EXOSC7: variants seen among roughly 807,000 people sequenced by gnomAD.
EXOSC7 encodes the protein exosome component 7.
A neutral mutation model predicts 34.3 loss-of-function variants in EXOSC7; 25 were observed. The ratio of observed to expected loss-of-function variants is 0.73; its 90% confidence interval spans 0.53 to 1.02. The LOEUF is 1.02. Among genes scored for constraint, EXOSC7 ranks in the 50% least tolerant of loss-of-function variants. The probability of loss-of-function intolerance (pLI) is 0.00; values close to 1 mark genes in which losing one functional copy is unlikely to be tolerated. For synonymous variants in EXOSC7, 130 were observed against 143.0 expected (o/e 0.91, Z 0.65); for missense variants, 370 against 368.5 (o/e 1.00, Z -0.03).
chr3:45,001,666 A>G (rs770968825), intron 5 of EXOSC7, 58 bp downstream of exon 5: 43 of 1,233,622 alleles, frequency 3.5e-5, no homozygotes, highest in Admixed American at 5.1e-5. Context: ...AGACACTTGT[A>G]ATGGAACACT....
chr3:44,978,018 G>A (rs145393598), intron 1 of EXOSC7, among the ~76,000 whole-genome samples: 63 of 152,292 alleles, frequency 4.1e-4, no homozygotes, highest in African/African-American at 1.5e-3. Flanking sequence ...ATGTTATGTG[G>A]GAAACAGCAG....
intron 1 of EXOSC7, among the ~76,000 whole-genome samples, chr3:44,985,990 A>G (rs1053069640): frequency 4.6e-5 from 7 of 152,206 alleles, no homozygotes; most frequent in Non-Finnish European, 8.8e-5. Flanking sequence ...TGTATTTACA[A>G]TCTCTTAGCT....
rs1707007337 is a variant in EXOSC7, at chr3:45,005,414, G to A, written c.615G>A (p.Lys205=). ...ENVPCIVTLC[K]IGYRHVVDAT... ...TCCCCTGCATTGTCACTCTGTGCAA[G>A]GTATAACTTGTATTTTATGGTTTTT... Residue 205 remains lysine, a splice_region_variant and synonymous_variant, in exon 6 of 8, where the codon AAG becomes AAA. Transcript: ENST00000265564. 1.9e-6 allele frequency: 3 copies of A among 1,613,492 alleles called. No homozygotes were observed. The East Asian group carries it at 6.7e-5, about 36-fold the overall frequency.
chr3:44,986,128 C>T (rs2125963524), intron 1 of EXOSC7, among the ~76,000 whole-genome samples: 1 of 149,672 alleles, frequency 6.7e-6, no homozygotes, highest in South Asian at 2.1e-4. Context: ...ATTCCTCAGC[C>T]CTTGGGTGGT....
In EXOSC7 at chr3:44,989,360, G is replaced by A. The variant is rs962486287; in HGVS notation, c.159+119G>A. On this transcript the variant is annotated intron_variant, in intron 2 of 7. Coordinates refer to ENST00000265564, the MANE Select transcript of EXOSC7 (RefSeq NM_015004.4). ...TTGCTCTTGGGGAAATCGAAGATCC[G>A]AGCCAAACTCAGGGAGGGGGGGTCT... 19 of 904,648 alleles carry A rather than the reference G, an allele frequency of 2.1e-5. No homozygotes were observed. In the East Asian group the frequency reaches 3.6e-4, roughly 17 times the overall value. The allele number at this position is 904,648 out of a possible 1,614,324, so 56.0% of individuals were successfully genotyped here. A position where few individuals can be genotyped will look rare whatever the true frequency, so the allele number is the denominator to read the frequency against.
At chr3:45,008,150 T>A (rs185046763) in intron 7 of EXOSC7, among the ~76,000 whole-genome samples, 15 of 152,340 alleles carry the variant, frequency 9.8e-5, no homozygotes, top group Non-Finnish European at 1.8e-4. Flanking sequence ...TTGCCCCACA[T>A]GTCTGTCACC....
chr3:44,993,744 A>G (rs1160062385), intron 3 of EXOSC7, among the ~76,000 whole-genome samples: 2 of 152,220 alleles, frequency 1.3e-5, no homozygotes, highest in East Asian at 3.9e-4. Context: ...CAAAAGACCA[A>G]GTGTGTACAC....
intron 5 of EXOSC7, chr3:45,004,290 C>T (rs1022921896): frequency 1.4e-4 from 21 of 151,838 alleles, no homozygotes; most frequent in Admixed American, 1.4e-3. Context: ...GAGTCTCACT[C>T]TGTCTCCCAG....
chr3:44,982,510 G>A (rs1197165864), intron 1 of EXOSC7, among the ~76,000 whole-genome samples: 2 of 152,222 alleles, frequency 1.3e-5, no homozygotes, highest in Non-Finnish European at 2.9e-5. Context: ...CCCTGTGAAA[G>A]CCATTTTATT....
intron 3 of EXOSC7, among the ~76,000 whole-genome samples, chr3:44,995,311 T>G (rs1451681752): frequency 6.6e-6 from 1 of 152,148 alleles, no homozygotes; most frequent in Non-Finnish European, 1.5e-5. Context: ...ATAGGTAGAT[T>G]AATTTAGACA....
At chr3:44,996,993 C>A in intron 3 of EXOSC7, 94 bp from the exon 4 acceptor site, 1 of 1,314,196 alleles carries the variant, frequency 7.6e-7, no homozygotes, top group South Asian at 1.3e-5. Flanking sequence ...CTGGCTCTTC[C>A]AGCATTCTAC....
At chr3:45,000,687 T>TA (rs1706851112) in intron 4 of EXOSC7, among the ~76,000 whole-genome samples, 1 of 152,250 alleles carries the variant, frequency 6.6e-6, no homozygotes. Context: ...CATTGATCAT[T>TA]ACATACGAGA....
At chr3:44,981,498 C>T (rs1364506392) in intron 1 of EXOSC7, among the ~76,000 whole-genome samples, 2 of 152,108 alleles carry the variant, frequency 1.3e-5, no homozygotes, top group African/African-American at 4.8e-5. Flanking sequence ...AGAAGTGTGA[C>T]TTTGTCTTAA....
chr3:44,994,872 TGTGTGTGTG>T (rs1706677170), intron 3 of EXOSC7, among the ~76,000 whole-genome samples: 1 of 149,376 alleles, frequency 6.7e-6, no homozygotes, highest in African/African-American at 2.5e-5. Flanking sequence ...TGTGTGTGTG[TGTGTGTGTG>T]TGTGTGTGTG....
intron 4 of EXOSC7, among the ~76,000 whole-genome samples, chr3:44,999,798 T>C (rs1369119336): frequency 1.3e-5 from 2 of 152,236 alleles, no homozygotes; most frequent in East Asian, 3.8e-4. Flanking sequence ...ATTCACATAG[T>C]TTTCATCAGT....
Position 44,985,418 on chromosome 3 carries a change from C to T in EXOSC7, c.58-3722C>T, listed in dbSNP as rs141715959. On this transcript the variant is annotated intron_variant, in intron 1 of 7. Transcript: ENST00000265564. The stretch of plus-strand genomic sequence containing the variant: ...TTACAGTTCTTAAAGGCGGCGTGTC[C>T]GGAGTTGTTCCTTCTGATGTTCAGA... Among the ~76,000 whole-genome samples, 895 of 152,122 alleles carry T rather than the reference C, an allele frequency of 5.9e-3. 12 individuals carry two copies. Among genetic ancestry groups the T allele is most frequent in the African/African-American group, 0.021 (852 of 41,472 alleles).
intron 5 of EXOSC7, among the ~76,000 whole-genome samples, chr3:45,002,675 C>A (rs1265792728): frequency 6.6e-6 from 1 of 152,200 alleles, no homozygotes. Context: ...TTTTGGCCAA[C>A]ATAACATTTA....
At position 45,007,427 on chromosome 3, in the gene EXOSC7, A is replaced by C. The variant is rs746509774; in HGVS notation, c.623A>C (p.Tyr208Ser). 6.2e-7 allele frequency: 1 copy of C among 1,614,112 alleles called. No homozygotes were observed. Among genetic ancestry groups the C allele is most frequent in the South Asian group, 1.1e-5 (1 of 91,052 alleles). The change falls in exon 7 of 8, where the codon TAT (tyrosine) becomes TCT (serine). Residue 208 changes from tyrosine (Y) to serine (S), a missense_variant. Coordinates refer to ENST00000265564, the MANE Select transcript of EXOSC7 (RefSeq NM_015004.4). ...CGCACCCTGCCTTTGCAGATTGGCT[A>C]TCGGCATGTGGTGGATGCTACTCTT... ...PCIVTLCKIGYRHVVDATLQE... is the reference protein window; with the variant it reads ...PCIVTLCKIGSRHVVDATLQE...
At chr3:45,010,401 C>T (rs1707172404) in intron 7 of EXOSC7, among the ~76,000 whole-genome samples, 1 of 151,944 alleles carries the variant, frequency 6.6e-6, no homozygotes, top group Non-Finnish European at 1.5e-5. Context: ...GCGCATACCA[C>T]CATGCACAGC....
Sources: gnomAD v4.1 joint callset for allele counts (sites outside exome capture counted in the v4.1 genomes callset) on GRCh38, gnomAD v4.1.1 for gene constraint, MANE v1.5 for transcripts, NCBI Gene and HGNC (gene_info 2026-07-23, HGNC 2026-07-21) for gene names.